The following CEP164 variants were observed in gnomAD, a reference collection of about 807,000 sequenced individuals.
The protein encoded by CEP164 is centrosomal protein of 164 kDa.
A neutral mutation model predicts 182.7 loss-of-function variants in CEP164; 162 were observed. The ratio of observed to expected loss-of-function variants is 0.89; its 90% confidence interval spans 0.78 to 1.01. CEP164 has a LOEUF of 1.01. CEP164 is among the 50% of genes least tolerant of loss of function. The probability of loss-of-function intolerance (pLI) is 0.00; values close to 1 mark genes in which losing one functional copy is unlikely to be tolerated. For synonymous variants in CEP164, 661 were observed against 690.0 expected (o/e 0.96, Z 0.66); for missense variants, 1,735 against 1,790.4 (o/e 0.97, Z 0.56).
In CEP164 at chr11:117,382,935, C is replaced by T. The variant is rs779345917; in HGVS notation, c.1717C>T (p.Pro573Ser). 1 of 1,613,214 alleles carries T rather than the reference C, an allele frequency of 6.2e-7. No homozygotes were observed. The highest frequency in any genetic ancestry group is 8.5e-7 in the Non-Finnish European group (1 of 1,179,878). ...VAVSPTPPVS[P>S]EVRSTEPVAP... ...GGTCAGCCCCACCCCGCCAGTCTCTCCAGAGGTGTAAGGGCCAGTTTTGTG... is the reference window on the plus strand; with the variant it reads ...GGTCAGCCCCACCCCGCCAGTCTCTTCAGAGGTGTAAGGGCCAGTTTTGTG... Residue 573 changes from proline to serine, a missense_variant, in exon 14 of 33, where the codon CCA (proline) becomes TCA (serine). Pro to Ser is a moderately conservative substitution (Grantham distance 74). Coordinates refer to ENST00000278935, the MANE Select transcript of CEP164 (RefSeq NM_014956.5).
At chr11:117,359,268 A>C (rs1364950513) in intron 5 of CEP164, among the ~76,000 whole-genome samples, 1 of 151,676 alleles carries the variant, frequency 6.6e-6, no homozygotes, top group Non-Finnish European at 1.5e-5. Context: ...GACCTCACCA[A>C]CCTCCGTTTG....
rs113597620 is a variant in CEP164, at chr11:117,387,617, C to A, written c.1934+205C>A. On this transcript the variant is annotated intron_variant, in intron 15 of 32. Coordinates refer to ENST00000278935, the MANE Select transcript of CEP164 (RefSeq NM_014956.5). The stretch of plus-strand genomic sequence containing the variant: ...AACACTCGGAAATGTAGTCCTTTAG[C>A]TGACCTCTTTACCCCGTAGAATAAA... 3.9e-5 allele frequency among the ~76,000 whole-genome samples: 6 copies of A among 152,326 alleles called. 1 individual carries two copies. Among genetic ancestry groups the A allele is most frequent in the African/African-American group, 1.4e-4 (6 of 41,576 alleles).
intron 1 of CEP164, among the ~76,000 whole-genome samples, chr11:117,328,874 C>G (rs145735396): frequency 2.5e-3 from 386 of 152,314 alleles, no homozygotes; most frequent in African/African-American, 8.2e-3. Flanking sequence ...TCACAGTGTT[C>G]TGGCTTTAGT....
chr11:117,368,181 G>A (rs1264322092), intron 8 of CEP164, among the ~76,000 whole-genome samples: 1 of 152,208 alleles, frequency 6.6e-6, no homozygotes, highest in Non-Finnish European at 1.5e-5. Flanking sequence ...AGTATATGAT[G>A]GGGAAGGCTC....
intron 27 of CEP164, 77 bp downstream of exon 27, chr11:117,397,390 C>A: frequency 1.5e-6 from 2 of 1,378,668 alleles, no homozygotes; most frequent in Non-Finnish European, 2.0e-6. Flanking sequence ...CCTTTGGGCT[C>A]CCCCTCAGTT....
At position 117,411,135 on chromosome 11, in the gene CEP164, C is replaced by T; in HGVS notation, c.4163+241C>T. 1 of 490,286 alleles carries T rather than the reference C, an allele frequency of 2.0e-6. No homozygotes were observed. Among genetic ancestry groups the T allele is most frequent in the Non-Finnish European group, 3.7e-6 (1 of 268,744 alleles). 30.4% of individuals were successfully genotyped at this position (490,286 alleles called of 1,614,324 possible). ...GTGGGGAAGGGCTGGGCTTACCCTG[C>T]CAACCCCCTGAGGAAGCTGCCCTCT... is the stretch of plus-strand genomic sequence containing the variant. On this transcript the variant is annotated intron_variant, in intron 31 of 32. Transcript: ENST00000278935. This position sits in a 1 kb window ranked among gnomAD's most constrained non-coding sequence, Gnocchi z 4.4.
intron 5 of CEP164, chr11:117,356,411 G>A: frequency 8.2e-7 from 1 of 1,225,526 alleles, no homozygotes; most frequent in Non-Finnish European, 1.0e-6. Context: ...GGCCATCAGA[G>A]TCATGGAGAG....
chr11:117,358,536 C>T (rs539316027), intron 5 of CEP164, among the ~76,000 whole-genome samples: 148 of 145,320 alleles, frequency 1.0e-3, no homozygotes, highest in African/African-American at 3.4e-3. Flanking sequence ...TCCCCTCCCC[C>T]GGCCTTTTTT....
At chr11:117,323,890 T>C, upstream of CEP164, 1 of 402,136 alleles carries the variant, frequency 2.5e-6, no homozygotes, top group South Asian at 1.8e-5. Flanking sequence ...TTTGTATATC[T>C]TCTTTTGAGA....
intron 8 of CEP164, among the ~76,000 whole-genome samples, chr11:117,367,693 C>A (rs1359065024): frequency 6.6e-6 from 1 of 152,128 alleles, no homozygotes; most frequent in East Asian, 1.9e-4. Context: ...GGTACCTGTG[C>A]AGGTTTGTTA....
intron 27 of CEP164, among the ~76,000 whole-genome samples, chr11:117,404,116 G>T (rs1368392574): frequency 6.6e-6 from 1 of 152,022 alleles, no homozygotes; most frequent in African/African-American, 2.4e-5. Context: ...TTAGTTCAGA[G>T]GAGTTTGTTA....
intron 14 of CEP164, among the ~76,000 whole-genome samples, chr11:117,383,604 A>G (rs1026619184): frequency 1.3e-5 from 2 of 152,204 alleles, no homozygotes; most frequent in African/African-American, 4.8e-5. Context: ...AAGTACTTCT[A>G]AAATTTAGAA....
intron 1 of CEP164, among the ~76,000 whole-genome samples, chr11:117,331,214 C>T (rs951719401): frequency 5.3e-5 from 8 of 152,252 alleles, no homozygotes; most frequent in Non-Finnish European, 1.0e-4. Flanking sequence ...GACTGGGAAA[C>T]GATATGTACT....
intron 25 of CEP164, 21 bp downstream of exon 25, chr11:117,396,201 TG>T: frequency 4.9e-5 from 19 of 386,202 alleles, no homozygotes; most frequent in Non-Finnish European, 8.9e-5. Flanking sequence ...GGCTGGGGCC[TG>T]GGGGCTGGGG....
chr11:117,352,426 T>C (rs1409364951), intron 5 of CEP164, among the ~76,000 whole-genome samples: 1 of 152,164 alleles, frequency 6.6e-6, no homozygotes, highest in Non-Finnish European at 1.5e-5. Flanking sequence ...CTTAAAGTGG[T>C]GTGAATTCCT....
intron 8 of CEP164, among the ~76,000 whole-genome samples, chr11:117,370,710 A>G: frequency 6.6e-6 from 1 of 152,142 alleles, no homozygotes; most frequent in East Asian, 1.9e-4. Context: ...CAGGAGTTTG[A>G]GACCAGCCTG....
chr11:117,398,886 AT>A (rs1159659593), intron 27 of CEP164, among the ~76,000 whole-genome samples: 2 of 152,044 alleles, frequency 1.3e-5, no homozygotes, highest in Admixed American at 6.5e-5. Flanking sequence ...TCCTGGAGAT[AT>A]TTTCCCCATT....
chr11:117,371,418 A>G lies in CEP164; in HGVS notation c.1104A>G (p.Pro368=), dbSNP rs2042179714. 1.2e-6 allele frequency: 2 copies of G among 1,613,914 alleles called. No individual in the cohort carries two copies. Among genetic ancestry groups the G allele is most frequent in the Admixed American group, 1.7e-5 (1 of 59,968 alleles). Residue 368 remains proline, a synonymous_variant, in exon 9 of 33, where the codon CCA becomes CCG. Coordinates refer to ENST00000278935, the MANE Select transcript of CEP164 (RefSeq NM_014956.5). ...GGAGGGAAGAGGCAGCCAAGGAGCCAAAGAAGAAGGCTTCTGCTCTGGAAG... is the reference window on the plus strand; with the variant it reads ...GGAGGGAAGAGGCAGCCAAGGAGCCGAAGAAGAAGGCTTCTGCTCTGGAAG... The part of the protein sequence containing the change: ...GSRREEAAKE[P]KKKASALEEG...
chr11:117,346,164 T>G (rs2038860551), intron 4 of CEP164, among the ~76,000 whole-genome samples: 1 of 152,178 alleles, frequency 6.6e-6, no homozygotes, highest in African/African-American at 2.4e-5. Context: ...AAACTGTCAT[T>G]GGTTATGGGC....
Sources: gnomAD v4.1 joint callset for allele counts (sites outside exome capture counted in the v4.1 genomes callset) on GRCh38, gnomAD v4.1.1 for gene constraint, Gnocchi (gnomAD v3.1) non-coding constraint, MANE v1.5 for transcripts, NCBI Gene and HGNC (gene_info 2026-07-23, HGNC 2026-07-21) for gene names.